The following KMT2D variants were observed in gnomAD, a reference collection of about 807,000 sequenced individuals.
KMT2D encodes the protein histone-lysine N-methyltransferase 2D.
Under a neutral mutation model 512.7 loss-of-function variants are expected in KMT2D, and 55 were observed. The ratio of observed to expected loss-of-function variants is 0.11; its 90% confidence interval spans 0.09 to 0.13. The LOEUF (loss-of-function observed/expected upper bound fraction) is 0.13, where lower values mean the gene tolerates loss of function less well. Ranked by LOEUF, KMT2D falls within the 10% of genes least tolerant of loss-of-function variation. The probability of loss-of-function intolerance (pLI) is 1.00; values close to 1 mark genes in which losing one functional copy is unlikely to be tolerated. For missense variants in KMT2D, 6,061 were observed against 7,127.9 expected (o/e 0.85, Z 5.39); for synonymous variants, 2,995 against 2,904.0 (o/e 1.03, Z -1.01).
At chr12:49,034,752 C>A (rs1943133916) in intron 36 of KMT2D, 60 bp downstream of exon 36, 2 of 1,606,460 alleles carry the variant, frequency 1.2e-6, no homozygotes, top group Non-Finnish European at 8.5e-7. Context: ...GGGAGGGGAG[C>A]CAAGAAGGGG....
At position 49,051,537 on chromosome 12, in the gene KMT2D, T is replaced by C. The variant is rs755473378; in HGVS notation, c.2146A>G (p.Met716Val). ...PASPPPEDSL[M>V]SLPLEESPLL... ...GGTGACTCCTCCAGCGGCAGGGACA[T>C]GAGCGAGTCCTCCGGTGGTGGGGAA... The change falls in exon 11 of 55, where the codon ATG becomes GTG. Residue 716 changes from methionine (M) to valine (V), a missense_variant. This residue lies in a region of KMT2D where 848 missense variants were observed against 838.5 expected (regional missense o/e 1.01). Transcript: ENST00000301067. 5 of 1,612,128 alleles carry C rather than the reference T, an allele frequency of 3.1e-6. No homozygotes were observed. The South Asian group carries it at 5.5e-5, about 18-fold the overall frequency.
In KMT2D at chr12:49,040,249, A is replaced by T. The variant is rs780460242; in HGVS notation, c.7521T>A (p.His2507Gln). Reference protein sequence around the residue: ...ALPAGPAGELHAKVPSGQPPN... With the variant: ...ALPAGPAGELQAKVPSGQPPN... ...GGGGCTGCCCACTTGGGACCTTGGCATGGAGCTCACCTGCTGGCCCCGCGG... is the reference window on the plus strand; with the variant it reads ...GGGGCTGCCCACTTGGGACCTTGGCTTGGAGCTCACCTGCTGGCCCCGCGG... Residue 2507 changes from histidine (H) to glutamine (Q), a missense_variant, in exon 32 of 55, where the codon CAT (histidine) becomes CAA (glutamine). Physicochemically the swap from His to Gln is conservative, Grantham distance 24. Coordinates refer to ENST00000301067, the MANE Select transcript of KMT2D (RefSeq NM_003482.4). 6 of 1,612,696 alleles carry T rather than the reference A, an allele frequency of 3.7e-6. No individual in the cohort carries two copies. The highest frequency in any genetic ancestry group is 5.1e-6 in the Non-Finnish European group (6 of 1,179,394).
At chr12:49,031,150 G>T (rs751497280) in intron 40 of KMT2D, 25 bp downstream of exon 40, 15 of 1,607,196 alleles carry the variant, frequency 9.3e-6, no homozygotes, top group East Asian at 2.2e-5. Context: ...CACTCTACCT[G>T]CTCCACTCTA....
chr12:49,026,635 T>A lies in KMT2D; in HGVS notation c.15331A>T (p.Asn5111Tyr). The A allele has an allele frequency of 6.2e-7, 1 of 1,613,984 alleles. No individual in the cohort carries two copies. Among genetic ancestry groups the A allele is most frequent in the Non-Finnish European group, 8.5e-7 (1 of 1,179,906 alleles). The change falls in exon 49 of 55, where the codon AAT (asparagine) becomes TAT (tyrosine). Residue 5111 changes from asparagine (N) to tyrosine (Y), a missense_variant. Physicochemically the swap from Asn to Tyr is moderately radical, Grantham distance 143. Coordinates refer to ENST00000301067, the MANE Select transcript of KMT2D (RefSeq NM_003482.4). The surrounding 1 kb of genome is among the most constrained non-coding windows in gnomAD (Gnocchi z 9.6). ...TSSCNRMRCP[N>Y]VYHFACAIRA... ...ATGGCACAAGCAAAATGGTAGACAT[T>A]GGGGCAACGCATGCGATTGCAGCTG...
rs780055412 is a variant in KMT2D at position 49,051,996 on chromosome 12, T to A, written c.1687A>T (p.Thr563Ser). ...PLSPPPEELPTSPPPEASRLS... is the reference protein window; with the variant it reads ...PLSPPPEELPSSPPPEASRLS... ...CGAGATGCTTCAGGTGGCGGGGAAG[T>A]GGGCAATTCCTCAGGTGGCGGGGAC... The change falls in exon 11 of 55, where the codon ACT (threonine) becomes TCT (serine). Residue 563 changes from threonine to serine, a missense_variant. Around this residue, in one of 16 missense-constraint regions of KMT2D, gnomAD observed 848 missense variants for 838.5 expected, o/e 1.01. Transcript: ENST00000301067. 1 of 1,601,394 alleles carries A rather than the reference T, an allele frequency of 6.2e-7. No homozygotes were observed. The highest frequency in any genetic ancestry group is 1.1e-5 in the South Asian group (1 of 90,548).
rs2120361571 is a variant in KMT2D, at chr12:49,026,675, T to G, written c.15291A>C (p.Arg5097=). Residue 5097 remains arginine, a synonymous_variant, in exon 49 of 55, where the codon CGA becomes CGC. Coordinates refer to ENST00000301067, the MANE Select transcript of KMT2D (RefSeq NM_003482.4). The surrounding 1 kb of genome is among the most constrained non-coding windows in gnomAD (Gnocchi z 9.6). ...GLLTKCSLCQ[R]TGATSSCNRM... Reference sequence around the variant, plus strand: ...GATTGCAGCTGCTGGTGGCACCAGTTCGCTGGCACAGGGAGCACTTGGTTA... The same window carrying G: ...GATTGCAGCTGCTGGTGGCACCAGTGCGCTGGCACAGGGAGCACTTGGTTA... The G allele has an allele frequency of 3.7e-6, 6 of 1,614,000 alleles. No individual in the cohort carries two copies. The highest frequency in any genetic ancestry group is 5.1e-6 in the Non-Finnish European group (6 of 1,179,902).
rs786205478 is a variant in KMT2D, at chr12:49,033,310, G to A, written c.11395C>T (p.Gln3799Ter). Residue 3799 changes from glutamine (Q) to a stop codon, truncating the protein, a stop_gained, in exon 40 of 55, where the codon CAG becomes TAG. Coordinates refer to ENST00000301067, the MANE Select transcript of KMT2D (RefSeq NM_003482.4). LOFTEE classifies it high-confidence loss of function. The stretch of plus-strand genomic sequence containing the variant: ...ACCTGGGCAGGGCCCAGCATGCCCT[G>A]GGGCCCCTGGGGTGGTTGAGGGGAC... ...QLSPQPPQGPQGMLGPAQVAV... is the reference protein window; with the variant it reads ...QLSPQPPQGP 1 of 1,591,434 alleles carries A rather than the reference G, an allele frequency of 6.3e-7. No individual in the cohort carries two copies. Among genetic ancestry groups the A allele is most frequent in the South Asian group, 1.1e-5 (1 of 87,476 alleles).
rs150863243 is a variant in KMT2D at position 49,052,355 on chromosome 12, G to T, written c.1328C>A (p.Pro443Gln). Residue 443 changes from proline to glutamine, a missense_variant, in exon 11 of 55, where the codon CCA (proline) becomes CAA (glutamine). Physicochemically the swap from Pro to Gln is moderately conservative, Grantham distance 76 (BLOSUM62 -1). This residue lies in a region of KMT2D where 848 missense variants were observed against 838.5 expected (regional missense o/e 1.01). Transcript: ENST00000301067. ...PLNEEMPLLP[P>Q]PEESPLSPPP... ...TGGGGACAGGGGTGACTCCTCAGGT[G>T]GGGGCAGCAGTGGCATCTCCTCGTT... 85 of 1,548,296 alleles carry T rather than the reference G, an allele frequency of 5.5e-5. No individual in the cohort carries two copies. The East Asian group carries it at 1.9e-3, about 35-fold the overall frequency.
chr12:49,039,265 G>A lies in KMT2D; in HGVS notation c.8323C>T (p.Pro2775Ser), dbSNP rs1351398281. The A allele has an allele frequency of 1.2e-6, 2 of 1,613,632 alleles. No individual in the cohort carries two copies. Among genetic ancestry groups the A allele is most frequent in the Non-Finnish European group, 1.7e-6 (2 of 1,179,882 alleles). ...GAGGAAGGCGTGGCTGGTGGAGGTG[G>A]CCGGGAGAGTCGGTCATCGCTAGGG... The part of the protein sequence containing the change: ...SFPSDDRLSR[P>S]PPPATPSSMD... The change falls in exon 34 of 55, where the codon CCA (proline) becomes TCA (serine). Residue 2775 changes from proline to serine, a missense_variant. Coordinates refer to ENST00000301067, the MANE Select transcript of KMT2D (RefSeq NM_003482.4). The surrounding 1 kb of genome is among the most constrained non-coding windows in gnomAD (Gnocchi z 5.0).
chr12:49,048,405 C>T (rs1937689170), intron 14 of KMT2D, among the ~76,000 whole-genome samples: 1 of 152,224 alleles, frequency 6.6e-6, no homozygotes, highest in South Asian at 2.1e-4. Flanking sequence ...TGTAAGTTCC[C>T]TAAGCTATAA....
In KMT2D at chr12:49,043,681, C is replaced by T; in HGVS notation, c.5421G>A (p.Lys1807=). 1 of 1,614,060 alleles carries T rather than the reference C, an allele frequency of 6.2e-7. No individual in the cohort carries two copies. Among genetic ancestry groups the T allele is most frequent in the Non-Finnish European group, 8.5e-7 (1 of 1,179,890 alleles). ...PSFGLGTPKA[K]GDGGSERKEL... ...CCTTCCTTTCTGAGCCTCCATCTCC[C>T]TTGGCTTTTGGGGTCCCTAGTCCAA... Residue 1807 remains lysine, a synonymous_variant, in exon 24 of 55, where the codon AAG becomes AAA. Coordinates refer to ENST00000301067, the MANE Select transcript of KMT2D (RefSeq NM_003482.4).
rs1238898404 is a variant in KMT2D at position 49,060,736 on chromosome 12, C to A, written c.-1161G>T. Among the ~76,000 whole-genome samples, 1 of 152,240 alleles carries A rather than the reference C, an allele frequency of 6.6e-6. No individual in the cohort carries two copies. Among genetic ancestry groups the A allele is most frequent in the Non-Finnish European group, 1.5e-5 (1 of 68,052 alleles). ...GGGGGGCCTTTTGCCCGGGGCACCC[C>A]ACTCGAGAGGGGGAGAAAGGAGAAG... is the stretch of plus-strand genomic sequence containing the variant. On this transcript the variant is annotated 5_prime_UTR_variant, in exon 1 of 55. Transcript: ENST00000301067.
At chr12:49,034,561 T>C (rs1437922187) in intron 37 of KMT2D, 21 bp downstream of exon 37, 2 of 1,612,904 alleles carry the variant, frequency 1.2e-6, no homozygotes, top group African/African-American at 1.3e-5. Flanking sequence ...CACAAGTTCC[T>C]ACTCCCACCT....
In KMT2D at chr12:49,050,756, T is replaced by C. The variant is rs776145284; in HGVS notation, c.2832A>G (p.Thr944=). Residue 944 remains threonine (T), a synonymous_variant, in exon 12 of 55, where the codon ACA becomes ACG. Coordinates refer to ENST00000301067, the MANE Select transcript of KMT2D (RefSeq NM_003482.4). ...PLPPPLSPII[T]AAAPPALSPL... Reference sequence around the variant, plus strand: ...GAGACAGGGCCGGTGGGGCCGCAGCTGTGATGATGGGTGAGAGTGGAGGAG... The same window carrying C: ...GAGACAGGGCCGGTGGGGCCGCAGCCGTGATGATGGGTGAGAGTGGAGGAG... 3 of 1,611,070 alleles carry C rather than the reference T, an allele frequency of 1.9e-6. No homozygotes were observed. In the South Asian group the frequency reaches 3.3e-5, roughly 18 times the overall value.
chr12:49,042,006 AGT>A lies in KMT2D; in HGVS notation c.6110-18_6110-17del. On this transcript the variant is annotated splice_polypyrimidine_tract_variant and intron_variant, in intron 29 of 54. Transcript: ENST00000301067. The surrounding 1 kb of genome is among the most constrained non-coding windows in gnomAD (Gnocchi z 4.4). ...CTTGACCAGTCTGGAGGGCAGAGAG[AGT>A]GAGTCAGAGAAGACTTGGCAGGCGA... The A allele has an allele frequency of 6.2e-7, 1 of 1,612,250 alleles. No individual in the cohort carries two copies. Among genetic ancestry groups the A allele is most frequent in the Non-Finnish European group, 8.5e-7 (1 of 1,179,142 alleles).
rs2120651715 is a variant in KMT2D at position 49,050,511 on chromosome 12, G to A, written c.3077C>T (p.Pro1026Leu). Residue 1026 changes from proline to leucine, a missense_variant, in exon 12 of 55, where the codon CCA (proline) becomes CTA (leucine). Transcript: ENST00000301067. ...LMEPLPPQCS[P>L]LLQHSLVPQN... The stretch of plus-strand genomic sequence containing the variant: ...GGGAACCAGGGAATGCTGAAGGAGT[G>A]GCGAACACTGAGGAGGAAGGGGCTC... The A allele has an allele frequency of 1.2e-6, 2 of 1,611,394 alleles. No individual in the cohort carries two copies. Among genetic ancestry groups the A allele is most frequent in the Non-Finnish European group, 1.7e-6 (2 of 1,177,892 alleles).
chr12:49,040,098 G>T lies in KMT2D; in HGVS notation c.7672C>A (p.Pro2558Thr), dbSNP rs1451400436. The T allele has an allele frequency of 3.1e-6, 5 of 1,613,834 alleles. No individual in the cohort carries two copies. The East Asian group carries it at 8.9e-5, about 29-fold the overall frequency. Reference sequence around the variant, plus strand: ...AAATGGCTGTTGATCCCATGGGGTGGCGGGAGACCAGGCTGAGGGACAGGG... The same window carrying T: ...AAATGGCTGTTGATCCCATGGGGTGTCGGGAGACCAGGCTGAGGGACAGGG... ...KPPVPQPGLP[P>T]PHGINSHFGP... The change falls in exon 32 of 55, where the codon CCA (proline) becomes ACA (threonine). Residue 2558 changes from proline (P) to threonine (T), a missense_variant. Around this residue, in one of 16 missense-constraint regions of KMT2D, gnomAD observed 710 missense variants for 647.3 expected, o/e 1.10. Transcript: ENST00000301067.
rs781047520 is a variant in KMT2D, at chr12:49,030,730, G to A, written c.13710C>T (p.Thr4570=). The A allele has an allele frequency of 2.0e-5, 32 of 1,613,568 alleles. No individual in the cohort carries two copies. The highest frequency in any genetic ancestry group is 1.8e-4 in the East Asian group (8 of 44,880). ...SLLPLTEPAI[T]ANFSLFAPFG... is the part of the protein sequence containing the mutation. ...AGGGGGCAAAGAGGCTAAAATTGGCGGTGATAGCAGGCTCCGTTAGGGGCA... is the reference window on the plus strand; with the variant it reads ...AGGGGGCAAAGAGGCTAAAATTGGCAGTGATAGCAGGCTCCGTTAGGGGCA... Residue 4570 remains threonine, a synonymous_variant, in exon 42 of 55, where the codon ACC becomes ACT. Transcript: ENST00000301067.
In KMT2D at chr12:49,032,387, G is replaced by A. The variant is rs1942963919; in HGVS notation, c.12318C>T (p.Ser4106=). ...RLPGQQQQQV[S]LLHTAGGGSH... ...TTCCTCCACCTGCTGTGTGGAGCAG[G>A]CTAACTTGCTGCTGCTGTTGTCCTG... Residue 4106 remains serine, a synonymous_variant, in exon 40 of 55, where the codon AGC becomes AGT. Transcript: ENST00000301067. 6.2e-7 allele frequency: 1 copy of A among 1,607,336 alleles called. No individual in the cohort carries two copies. The highest frequency in any genetic ancestry group is 8.5e-7 in the Non-Finnish European group (1 of 1,176,906).
Sources: gnomAD v4.1 joint callset for allele counts (sites outside exome capture counted in the v4.1 genomes callset) on GRCh38, gnomAD v4.1.1 for gene constraint, gnomAD v4.1.1 regional missense constraint, Gnocchi (gnomAD v3.1) non-coding constraint, MANE v1.5 for transcripts, NCBI Gene and HGNC (gene_info 2026-07-23, HGNC 2026-07-21) for gene names.